SUSD4: variants seen among roughly 807,000 people sequenced by gnomAD.
The protein encoded by SUSD4 is sushi domain containing 4.
Under a neutral mutation model 50.5 loss-of-function variants are expected in SUSD4, and 41 were observed. That is an observed-to-expected ratio of 0.81 (90% CI 0.63 to 1.05). The LOEUF (loss-of-function observed/expected upper bound fraction) is 1.05. SUSD4 is among the 50% of genes least tolerant of loss of function. SUSD4 has a pLI of 0.00. For synonymous variants in SUSD4, 257 were observed against 257.3 expected (o/e 1.00, Z 0.01); for missense variants, 580 against 634.7 (o/e 0.91, Z 0.93).
intron 3 of SUSD4, among the ~76,000 whole-genome samples, chr1:223,270,481 C>T (rs929327901): frequency 6.6e-6 from 1 of 152,178 alleles, no homozygotes; most frequent in Non-Finnish European, 1.5e-5. Flanking sequence ...TCCCTTTGCC[C>T]ATGATTTCAA....
intron 2 of SUSD4, among the ~76,000 whole-genome samples, chr1:223,300,329 A>G (rs1665102400): frequency 6.6e-6 from 1 of 152,138 alleles, no homozygotes; most frequent in African/African-American, 2.4e-5. Context: ...CCTAACCAAA[A>G]ACTGTGTGAG....
At chr1:223,303,035 C>T (rs1192051135) in intron 2 of SUSD4, among the ~76,000 whole-genome samples, 1 of 152,122 alleles carries the variant, frequency 6.6e-6, no homozygotes, top group Non-Finnish European at 1.5e-5. Flanking sequence ...ATAGTCCTAG[C>T]TACTCAGGAG....
At chr1:223,354,463 T>C (rs539576183) in intron 2 of SUSD4, among the ~76,000 whole-genome samples, 2 of 152,294 alleles carry the variant, frequency 1.3e-5, no homozygotes, top group Non-Finnish European at 2.9e-5. Flanking sequence ...CTTTTAAATG[T>C]CACAGAGCAA....
Position 223,363,131 on chromosome 1 carries a change from A to G in SUSD4, c.148+147T>C, listed in dbSNP as rs1572148939. The G allele has an allele frequency of 6.0e-6, 6 of 1,003,836 alleles. No individual in the cohort carries two copies. The East Asian group carries it at 1.5e-4, about 25-fold the overall frequency. 62.2% of individuals were successfully genotyped at this position (1,003,836 alleles called of 1,614,324 possible). ...CCAGCGGTTTCGGAGAAGGGCGGCC[A>G]TAGGCTGGGACGCAGGCACCCTCGC... On this transcript the variant is annotated intron_variant, in intron 2 of 8. Coordinates refer to ENST00000366878, the MANE Select transcript of SUSD4 (RefSeq NM_017982.4).
intron 2 of SUSD4, among the ~76,000 whole-genome samples, chr1:223,325,744 C>A (rs1666837438): frequency 2.0e-5 from 3 of 152,134 alleles, no homozygotes; most frequent in African/African-American, 7.2e-5. Context: ...AGCTGAGAAT[C>A]AAATCAAGAA....
chr1:223,291,262 G>A (rs1664469228), intron 3 of SUSD4, among the ~76,000 whole-genome samples: 1 of 152,026 alleles, frequency 6.6e-6, no homozygotes, highest in African/African-American at 2.4e-5. Context: ...GGAAGCTGAG[G>A]CAGGTGGATT....
At chr1:223,280,803 C>A (rs566246452) in intron 3 of SUSD4, among the ~76,000 whole-genome samples, 1 of 152,180 alleles carries the variant, frequency 6.6e-6, no homozygotes, top group Admixed American at 6.5e-5. Flanking sequence ...AGCACCACAT[C>A]GCACTTATTC....
chr1:223,253,813 A>G (rs1661501326), intron 5 of SUSD4, among the ~76,000 whole-genome samples: 1 of 152,166 alleles, frequency 6.6e-6, no homozygotes, highest in Admixed American at 6.5e-5. Flanking sequence ...AGAATCTCCC[A>G]TTTGTACCGG....
Position 223,222,141 on chromosome 1 carries a change from C to CAAGG in SUSD4, c.*47_*50dup, listed in dbSNP as rs757906738. Reference sequence around the variant, plus strand: ...CCTTCTGTGACCTCACTCCAAGATACAAGGTCCTTTCCCCGAAGGAGCAGG... The same window carrying CAAGG: ...CCTTCTGTGACCTCACTCCAAGATACAAGGAAGGTCCTTTCCCCGAAGGAGCAGG... On this transcript the variant is annotated 3_prime_UTR_variant, in exon 9 of 9. Coordinates refer to ENST00000366878, the MANE Select transcript of SUSD4 (RefSeq NM_017982.4). 9 of 1,597,418 alleles carry CAAGG rather than the reference C, an allele frequency of 5.6e-6. No homozygotes were observed. The East Asian group carries it at 2.0e-4, about 36-fold the overall frequency.
chr1:223,267,761 G>C (rs1198169255), intron 4 of SUSD4, among the ~76,000 whole-genome samples: 8 of 151,892 alleles, frequency 5.3e-5, no homozygotes, highest in African/African-American at 1.7e-4. Flanking sequence ...GCACGCTGGT[G>C]CTTTTGGAGC....
At chr1:223,351,744 T>C (rs1010406276) in intron 2 of SUSD4, among the ~76,000 whole-genome samples, 4 of 152,142 alleles carry the variant, frequency 2.6e-5, no homozygotes, top group Non-Finnish European at 5.9e-5. Context: ...CCTGGGTGCA[T>C]TCATTCATGT....
intron 2 of SUSD4, among the ~76,000 whole-genome samples, chr1:223,319,569 G>A (rs549930954): frequency 4.6e-5 from 7 of 152,226 alleles, no homozygotes; most frequent in African/African-American, 1.4e-4. Context: ...CCACTCCTGG[G>A]TCATCTTCAT....
At chr1:223,246,254 G>T (rs892761091) in intron 5 of SUSD4, among the ~76,000 whole-genome samples, 1 of 152,142 alleles carries the variant, frequency 6.6e-6, no homozygotes, top group African/African-American at 2.4e-5. Flanking sequence ...CTCCTCACAA[G>T]CTGAGAAGGA....
intron 2 of SUSD4, among the ~76,000 whole-genome samples, chr1:223,359,805 A>C (rs1003964562): frequency 6.6e-6 from 1 of 152,206 alleles, no homozygotes; most frequent in Non-Finnish European, 1.5e-5. Flanking sequence ...GGGAAATATG[A>C]GAGAAGTTAT....
intron 2 of SUSD4, 59 bp from the exon 3 acceptor site, chr1:223,292,710 C>T: frequency 6.4e-7 from 1 of 1,567,160 alleles, no homozygotes; most frequent in Non-Finnish European, 8.7e-7. Context: ...TGCCAAGGGC[C>T]TTCCTACATA....
At chr1:223,313,690 C>T (rs1357582126) in intron 2 of SUSD4, among the ~76,000 whole-genome samples, 1 of 152,070 alleles carries the variant, frequency 6.6e-6, no homozygotes, top group East Asian at 1.9e-4. Flanking sequence ...AAGGTAAGGT[C>T]ACAAAAACCT....
intron 5 of SUSD4, among the ~76,000 whole-genome samples, chr1:223,255,531 CAG>C (rs1296436457): frequency 1.3e-5 from 2 of 152,104 alleles, no homozygotes; most frequent in African/African-American, 4.8e-5. Flanking sequence ...ATATATAAAA[CAG>C]AGCCATTGGG....
At chr1:223,313,338 T>G (rs1370093293) in intron 2 of SUSD4, among the ~76,000 whole-genome samples, 1 of 152,118 alleles carries the variant, frequency 6.6e-6, no homozygotes, top group Non-Finnish European at 1.5e-5. Context: ...ACACCAAAGC[T>G]TGGGTGAGTC....
intron 5 of SUSD4, among the ~76,000 whole-genome samples, chr1:223,252,150 A>G (rs1661357936): frequency 2.0e-5 from 3 of 150,192 alleles, no homozygotes; most frequent in Admixed American, 2.0e-4. Flanking sequence ...GCACACCAAC[A>G]TGGCACATGT....
Sources: allele counts gnomAD v4.1 joint callset (sites outside exome capture counted in the v4.1 genomes callset), GRCh38; gene constraint gnomAD v4.1.1; transcripts MANE v1.5; gene names NCBI Gene and HGNC (gene_info 2026-07-23, HGNC 2026-07-21).